ALDH7A1: variants seen among roughly 807,000 people sequenced by gnomAD.
ALDH7A1 encodes alpha-aminoadipic semialdehyde dehydrogenase.
A neutral mutation model predicts 79.9 loss-of-function variants in ALDH7A1; 63 were observed. That is an observed-to-expected ratio of 0.79 (90% CI 0.64 to 0.97). The LOEUF (loss-of-function observed/expected upper bound fraction) is 0.97. Ranked by LOEUF, ALDH7A1 falls within the 50% of genes least tolerant of loss-of-function variation. The pLI is 0.00. For missense variants in ALDH7A1, 627 were observed against 665.2 expected, an observed-to-expected ratio of 0.94 and a Z score of 0.63; for synonymous variants, 240 against 231.2, an observed-to-expected ratio of 1.04 and a Z score of -0.34.
intron 4 of ALDH7A1, 26 bp from the exon 5 acceptor site, chr5:126,583,000 A>T: frequency 6.2e-7 from 1 of 1,613,822 alleles, no homozygotes; most frequent in Non-Finnish European, 8.5e-7. Context: ...GACAAGCAGA[A>T]TTTTTCCAAC....
chr5:126,572,801 A>G (rs1185542811), intron 7 of ALDH7A1, among the ~76,000 whole-genome samples: 1 of 152,174 alleles, frequency 6.6e-6, no homozygotes, highest in East Asian at 1.9e-4. Flanking sequence ...TACCTGTATG[A>G]TTGTGACAAG....
intron 7 of ALDH7A1, chr5:126,571,065 A>G (rs903015893): frequency 1.5e-5 from 8 of 547,472 alleles, no homozygotes; most frequent in Non-Finnish European, 2.3e-5. Context: ...CTCTTATACC[A>G]GACTCTGTCC....
Position 126,545,039 on chromosome 5 carries a change from G to C in ALDH7A1, c.1566-20C>G. 1 of 1,567,562 alleles carries C rather than the reference G, an allele frequency of 6.4e-7. No homozygotes were observed. Among genetic ancestry groups the C allele is most frequent in the Non-Finnish European group, 8.8e-7 (1 of 1,137,692 alleles). The stretch of plus-strand genomic sequence containing the variant: ...ATAGTACTAGTGGGAAAAAATAACA[G>C]AATTAATGACAGTACATACATAACA... On this transcript the variant is annotated intron_variant, in intron 17 of 17. Transcript: ENST00000409134.
chr5:126,565,418 A>T, intron 9 of ALDH7A1, among the ~76,000 whole-genome samples: 1 of 150,900 alleles, frequency 6.6e-6, no homozygotes, highest in African/African-American at 2.4e-5. Context: ...AAAAAAAAAA[A>T]AAAAGACGGC....
At position 126,550,288 on chromosome 5, in the gene ALDH7A1, T is replaced by C. The variant is rs2112753032; in HGVS notation, c.1323A>G (p.Glu441=). The change falls in exon 15 of 18, where the codon GAA becomes GAG. Residue 441 remains glutamate, a synonymous_variant. Transcript: ENST00000409134. ...PILYVFKFKN[E]EEVFAWNNEV... is the part of the protein sequence containing the mutation. ...CATTATTCCATGCAAAGACCTCTTC[T>C]TCATTCTAAAAGGAGAGACATTGGA... is the stretch of plus-strand genomic sequence containing the variant. 1 of 1,610,432 alleles carries C rather than the reference T, an allele frequency of 6.2e-7. No individual in the cohort carries two copies. The highest frequency in any genetic ancestry group is 8.5e-7 in the Non-Finnish European group (1 of 1,177,126).
intron 1 of ALDH7A1, chr5:126,593,732 C>T: frequency 2.3e-6 from 1 of 430,612 alleles, no homozygotes; most frequent in South Asian, 2.3e-5. Flanking sequence ...TATTTCTTCT[C>T]TTCCTTACTC....
intron 7 of ALDH7A1, among the ~76,000 whole-genome samples, chr5:126,574,948 G>T (rs1750915694): frequency 6.6e-6 from 1 of 152,082 alleles, no homozygotes; most frequent in Non-Finnish European, 1.5e-5. Flanking sequence ...TATAAGTAAA[G>T]CATTAATAAT....
chr5:126,564,452 A>G (rs1750503348), intron 9 of ALDH7A1: 5 of 1,031,686 alleles, frequency 4.8e-6, no homozygotes, highest in Middle Eastern at 3.2e-4. Flanking sequence ...CCAGCCTTAG[A>G]CATACATTTA....
chr5:126,584,700 A>G (rs1751302154), intron 3 of ALDH7A1, among the ~76,000 whole-genome samples: 2 of 136,554 alleles, frequency 1.5e-5, no homozygotes, highest in East Asian at 1.9e-4. Flanking sequence ...GTAACAAGGG[A>G]AACAGCAAGT....
At chr5:126,579,250 A>C (rs1271892441) in intron 5 of ALDH7A1, among the ~76,000 whole-genome samples, 1 of 152,206 alleles carries the variant, frequency 6.6e-6, no homozygotes, top group East Asian at 1.9e-4. Context: ...CTCAGCCTTC[A>C]CACAGGCTTC....
chr5:126,545,988 C>G (rs982995210), intron 17 of ALDH7A1, among the ~76,000 whole-genome samples: 3 of 152,064 alleles, frequency 2.0e-5, no homozygotes, highest in Non-Finnish European at 4.4e-5. Context: ...TGGCTCACGC[C>G]TGTAATCTCA....
intron 16 of ALDH7A1, chr5:126,549,688 G>A (rs1418071337): frequency 3.5e-5 from 18 of 510,936 alleles, no homozygotes; most frequent in Non-Finnish European, 5.9e-5. Flanking sequence ...CATTTCAGGG[G>A]TTCACACATT....
At chr5:126,593,308 A>AACACACACACACACACACACAC in intron 2 of ALDH7A1, 43 bp downstream of exon 2, 1 of 1,545,988 alleles carries the variant, frequency 6.5e-7, no homozygotes, top group Non-Finnish European at 8.8e-7. Context: ...ATTTGAATTA[A>AACACACACACACACACACACAC]ACACACACAC....
At chr5:126,564,387 A>G (rs939741743) in intron 9 of ALDH7A1, 7 of 454,620 alleles carry the variant, frequency 1.5e-5, no homozygotes, top group African/African-American at 1.4e-4. Context: ...AGCTCAGGCA[A>G]TTCACCCACC....
At position 126,581,838 on chromosome 5, in the gene ALDH7A1, T is replaced by G. The variant is rs189917924; in HGVS notation, c.517+1013A>C. On this transcript the variant is annotated intron_variant, in intron 5 of 17. Transcript: ENST00000409134. ...ACCAAAAATACAAAAATTAGCCGGG[T>G]GTGATGGTGCACACCTGTAATCCCA... The G allele has an allele frequency of 1.6e-4, 36 of 224,370 alleles. No homozygotes were observed. The East Asian group carries it at 3.2e-3, about 20-fold the overall frequency. 13.9% of individuals were successfully genotyped at this position (224,370 alleles called of 1,614,324 possible). A position where few individuals can be genotyped will look rare whatever the true frequency, so the allele number is the denominator to read the frequency against.
chr5:126,556,643 C>G (rs1021270048), intron 11 of ALDH7A1, among the ~76,000 whole-genome samples: 3 of 152,182 alleles, frequency 2.0e-5, no homozygotes, highest in African/African-American at 4.8e-5. Context: ...TACTGTAACC[C>G]TAAGTCCCAG....
chr5:126,554,907 AAAG>A (rs541889439), intron 12 of ALDH7A1: 302 of 207,826 alleles, frequency 1.5e-3, no homozygotes, highest in Admixed American at 2.5e-3. Context: ...ACCCAGCAAC[AAAG>A]AAGAAGGAAG....
chr5:126,546,958 A>G (rs565330785), intron 16 of ALDH7A1, among the ~76,000 whole-genome samples: 2 of 152,346 alleles, frequency 1.3e-5, no homozygotes, highest in East Asian at 3.9e-4. Flanking sequence ...TTCCAGAAAA[A>G]TCACAGCTGA....
At chr5:126,548,479 T>C (rs1469427733) in intron 16 of ALDH7A1, among the ~76,000 whole-genome samples, 1 of 150,460 alleles carries the variant, frequency 6.6e-6, no homozygotes, top group Non-Finnish European at 1.5e-5. Context: ...CAGACTTGAG[T>C]GCACTGGCAC....
Sources: gnomAD v4.1 joint callset for allele counts (sites outside exome capture counted in the v4.1 genomes callset) on GRCh38, gnomAD v4.1.1 for gene constraint, MANE v1.5 for transcripts, NCBI Gene and HGNC (gene_info 2026-07-23, HGNC 2026-07-21) for gene names.